The following DMD variants were observed in gnomAD, a reference collection of about 807,000 sequenced individuals.
The protein encoded by DMD is mutant dystrophin.
Under a neutral mutation model 330.1 loss-of-function variants are expected in DMD, and 63 were observed. That is an observed-to-expected ratio of 0.19 (90% CI 0.16 to 0.24). DMD has a LOEUF of 0.24. Ranked by LOEUF, DMD falls within the 10% of genes least tolerant of loss-of-function variation. The pLI is 1.00. For missense variants in DMD, 3,344 were observed against 2,684.1 expected (o/e 1.25, Z -5.43); for synonymous variants, 1,223 against 959.8 (o/e 1.27, Z -5.07).
intron 43 of DMD, among the ~76,000 whole-genome samples, chrX:32,269,982 A>G (rs914149412): frequency 7.1e-5 from 8 of 112,290 alleles, no homozygotes; most frequent in Non-Finnish European, 1.3e-4. Context: ...CTTATTTACC[A>G]CAGCTAGACA....
intron 1 of DMD, among the ~76,000 whole-genome samples, chrX:33,294,342 A>G (rs2053555139): frequency 9.0e-6 from 1 of 111,168 alleles, no homozygotes; most frequent in Non-Finnish European, 1.9e-5. Context: ...ACACACTACC[A>G]TTTCAGAAGT....
At chrX:31,971,718 C>A (rs2095401157) in intron 44 of DMD, among the ~76,000 whole-genome samples, 1 of 111,773 alleles carries the variant, frequency 8.9e-6, no homozygotes, top group Non-Finnish European at 1.9e-5. Flanking sequence ...AATGTAAAAT[C>A]TCAATCAACT....
At chrX:31,411,919 C>T (rs191345299) in intron 60 of DMD, among the ~76,000 whole-genome samples, 2 of 110,903 alleles carry the variant, frequency 1.8e-5, no homozygotes, top group Non-Finnish European at 3.8e-5. Flanking sequence ...GTGGCTCATG[C>T]CTGTAATCCC....
intron 26 of DMD, among the ~76,000 whole-genome samples, chrX:32,453,022 T>C (rs2098340552): frequency 9.0e-6 from 1 of 111,257 alleles, no homozygotes; most frequent in African/African-American, 3.3e-5. Flanking sequence ...TCATATTACA[T>C]ACAATTCTTC....
intron 9 of DMD, among the ~76,000 whole-genome samples, chrX:32,680,627 A>T (rs779008337): frequency 3.6e-4 from 40 of 112,541 alleles, no homozygotes; most frequent in Middle Eastern, 4.6e-3. Context: ...ATTTGTTAAA[A>T]GACTCATATA....
At chrX:31,476,505 C>CATAT (rs201882099) in intron 59 of DMD, among the ~76,000 whole-genome samples, 1 of 101,722 alleles carries the variant, frequency 9.8e-6, no homozygotes, top group Admixed American at 1.1e-4. Context: ...TATGCCATCA[C>CATAT]ATATATATAT....
intron 17 of DMD, among the ~76,000 whole-genome samples, chrX:32,523,120 G>A (rs1304665158): frequency 1.8e-5 from 2 of 111,605 alleles, no homozygotes; most frequent in African/African-American, 6.5e-5. Context: ...ACTAGGCGTT[G>A]AATTGACATT....
chrX:31,310,176 CCTCTCT>C (rs3032536), intron 62 of DMD, among the ~76,000 whole-genome samples: 22 of 91,541 alleles, frequency 2.4e-4, no homozygotes, highest in South Asian at 5.7e-4. Flanking sequence ...TCTTCGTTGT[CCTCTCT>C]CTCTCTCTCT....
chrX:31,755,690 C>T (rs929910400), intron 51 of DMD, among the ~76,000 whole-genome samples: 1 of 111,858 alleles, frequency 8.9e-6, no homozygotes, highest in Admixed American at 9.5e-5. Flanking sequence ...TTCAACAATA[C>T]ATTTGACTTT....
intron 16 of DMD, among the ~76,000 whole-genome samples, chrX:32,554,818 GA>G (rs34288277): frequency 2.7e-4 from 2 of 7,386 alleles, no homozygotes; most frequent in Non-Finnish European, 3.9e-4. Flanking sequence ...GGGAGGGAGG[GA>G]GGGAGGGGGA....
intron 34 of DMD, among the ~76,000 whole-genome samples, chrX:32,373,852 G>A (rs1369710450): frequency 9.0e-6 from 1 of 111,662 alleles, no homozygotes; most frequent in East Asian, 2.8e-4. Flanking sequence ...TGGTTCCCAT[G>A]GTAACATTAA....
intron 33 of DMD, among the ~76,000 whole-genome samples, chrX:32,383,681 T>C (rs1479211428): frequency 9.0e-6 from 1 of 110,863 alleles, no homozygotes; most frequent in Admixed American, 9.7e-5. Context: ...ACTTTTATTT[T>C]GCTTTAAGGA....
chrX:31,162,176 T>C (rs1451208223), intron 74 of DMD, among the ~76,000 whole-genome samples: 2 of 109,897 alleles, frequency 1.8e-5, no homozygotes, highest in Admixed American at 1.9e-4. Flanking sequence ...TATTCATCTT[T>C]GTAGTCTCAT....
intron 44 of DMD, chrX:32,206,292 A>T (rs771919394): frequency 1.8e-6 from 1 of 542,995 alleles, no homozygotes; most frequent in South Asian, 2.2e-5. Flanking sequence ...TGTGAAACTC[A>T]TAAGTATATC....
chrX:32,436,383 C>A (rs981365116), intron 29 of DMD, among the ~76,000 whole-genome samples: 8 of 111,491 alleles, frequency 7.2e-5, no homozygotes, highest in African/African-American at 2.6e-4. Flanking sequence ...GTTATTCTAG[C>A]CCAAGTTTCA....
chrX:31,367,007 T>C (rs1170718696), intron 60 of DMD, among the ~76,000 whole-genome samples: 1 of 111,560 alleles, frequency 9.0e-6, no homozygotes, highest in Non-Finnish European at 1.9e-5. Flanking sequence ...TATTGTAGTC[T>C]CTTTTGTGAT....
At chrX:31,997,029 T>G (rs143520861) in intron 44 of DMD, among the ~76,000 whole-genome samples, 11 of 111,536 alleles carry the variant, frequency 9.9e-5, no homozygotes, top group African/African-American at 3.6e-4. Flanking sequence ...TTAAGCTTTT[T>G]CTTTTTGCCC....
At position 31,172,205 on chromosome X, in the gene DMD, A is replaced by C. The variant is rs1422919671; in HGVS notation, c.10394+143T>G. ...ATTCCATGCCAGGGCATTAAGAATTAAAGGAAAAAAGTAAATGAATGGCTC... is the reference window on the plus strand; with the variant it reads ...ATTCCATGCCAGGGCATTAAGAATTCAAGGAAAAAAGTAAATGAATGGCTC... On this transcript the variant is annotated intron_variant, in intron 73 of 78. Transcript: ENST00000357033. The C allele has an allele frequency of 5.8e-6, 3 of 516,787 alleles. No homozygotes were observed. In the African/African-American group the frequency reaches 7.0e-5, roughly 12 times the overall value. 42.6% of individuals were successfully genotyped at this position (516,787 alleles called of 1,213,427 possible).
intron 17 of DMD, among the ~76,000 whole-genome samples, chrX:32,539,298 G>A (rs1046264269): frequency 9.1e-6 from 1 of 109,649 alleles, no homozygotes; most frequent in Non-Finnish European, 1.9e-5. Context: ...ATGGATTTAG[G>A]AGAGTCAGCA....
Sources: allele counts gnomAD v4.1 joint callset (sites outside exome capture counted in the v4.1 genomes callset), GRCh38; gene constraint gnomAD v4.1.1; transcripts MANE v1.5; gene names NCBI Gene and HGNC (gene_info 2026-07-23, HGNC 2026-07-21).